The following TRAF6 variants were observed in gnomAD, a reference collection of about 807,000 sequenced individuals.
The protein encoded by TRAF6 is TNF receptor associated factor 6, also known as TNF receptor-associated factor 6.
A neutral mutation model predicts 48.4 loss-of-function variants in TRAF6; 10 were observed. That is an observed-to-expected ratio of 0.21 (90% CI 0.13 to 0.35). The LOEUF is 0.35. Ranked by LOEUF, TRAF6 falls within the 10% of genes least tolerant of loss-of-function variation. TRAF6 has a pLI of 1.00. For missense variants in TRAF6, 397 were observed against 661.0 expected (o/e 0.60, Z 4.38); for synonymous variants, 186 against 219.6 (o/e 0.85, Z 1.35).
intron 1 of TRAF6, among the ~76,000 whole-genome samples, chr11:36,505,001 C>A (rs1859765758): frequency 6.6e-6 from 1 of 152,186 alleles, no homozygotes; most frequent in African/African-American, 2.4e-5. Flanking sequence ...ACGCTGTAAA[C>A]AGATACGCTG....
In TRAF6 at chr11:36,509,768, C is replaced by A. The variant is rs532643170; in HGVS notation, c.-23+280G>T. On this transcript the variant is annotated intron_variant, in intron 1 of 6. Coordinates refer to ENST00000526995, the MANE Select transcript of TRAF6 (RefSeq NM_004620.4). ...AAGCGTGGGGACAGAGGCTGCGTCC[C>A]GACCTGCAGGAAGCGAGGGGCAGGG... is the stretch of plus-strand genomic sequence containing the variant. 2.0e-3 allele frequency among the ~76,000 whole-genome samples: 309 copies of A among 152,122 alleles called. 2 individuals are homozygous for A. Among genetic ancestry groups the A allele is most frequent in the Non-Finnish European group, 3.5e-3 (237 of 67,974 alleles).
intron 1 of TRAF6, among the ~76,000 whole-genome samples, chr11:36,509,462 TAG>T (rs1859868968): frequency 6.6e-6 from 1 of 151,806 alleles, no homozygotes; most frequent in Admixed American, 6.6e-5. Context: ...GAGACTTCTA[TAG>T]AGTTCAACAG....
At position 36,489,201 on chromosome 11, in the gene TRAF6, C is replaced by T. The variant is rs1859528583; in HGVS notation, c.*637G>A. ...ACTTAAACAAGTATTATTCAACAGACATGTTTACACTAAATAATTAAGGTT... is the reference window on the plus strand; with the variant it reads ...ACTTAAACAAGTATTATTCAACAGATATGTTTACACTAAATAATTAAGGTT... On this transcript the variant is annotated 3_prime_UTR_variant, in exon 7 of 7. Coordinates refer to ENST00000526995, the MANE Select transcript of TRAF6 (RefSeq NM_004620.4). The T allele has an allele frequency of 6.5e-6, 1 of 152,692 alleles. No homozygotes were observed. The highest frequency in any genetic ancestry group is 6.5e-5 in the Admixed American group (1 of 15,288). 9.5% of individuals were successfully genotyped at this position (152,692 alleles called of 1,614,324 possible).
chr11:36,508,754 C>T (rs1227746008), intron 1 of TRAF6, among the ~76,000 whole-genome samples: 1 of 152,146 alleles, frequency 6.6e-6, no homozygotes, highest in Non-Finnish European at 1.5e-5. Context: ...CCAAGAGATG[C>T]TGCAAAATAC....
Position 36,498,646 on chromosome 11 carries a change from A to C in TRAF6, c.297-6T>G, listed in dbSNP as rs1590640479. ...GACATTTGTGACCTGCATCCCTAAC[A>C]GAAACAAAATACACACAATTAGATT... On this transcript the variant is annotated splice_polypyrimidine_tract_variant and splice_region_variant and intron_variant, in intron 2 of 6. Transcript: ENST00000526995. 6.2e-7 allele frequency: 1 copy of C among 1,601,602 alleles called. No individual in the cohort carries two copies. Among genetic ancestry groups the C allele is most frequent in the Non-Finnish European group, 8.5e-7 (1 of 1,176,096 alleles).
At chr11:36,504,851 A>C (rs1859763904) in intron 1 of TRAF6, among the ~76,000 whole-genome samples, 1 of 152,218 alleles carries the variant, frequency 6.6e-6, no homozygotes, top group Non-Finnish European at 1.5e-5. Flanking sequence ...AGCAGGCATG[A>C]AAACAACATT....
chr11:36,507,868 T>C (rs1208229089), intron 1 of TRAF6, among the ~76,000 whole-genome samples: 1 of 148,146 alleles, frequency 6.8e-6, no homozygotes, highest in Non-Finnish European at 1.5e-5. Context: ...ACACACACTT[T>C]TTTTTTTGTC....
chr11:36,497,122 A>G lies in TRAF6; in HGVS notation c.592T>C (p.Phe198Leu). Residue 198 changes from phenylalanine to leucine, a missense_variant, in exon 4 of 7, where the codon TTT becomes CTT. Physicochemically the swap from Phe to Leu is conservative, Grantham distance 22. This residue lies in a region of TRAF6 where 245 missense variants were observed against 349.1 expected (regional missense o/e 0.70). Transcript: ENST00000526995. Reference sequence around the variant, plus strand: ...TTAGTACATGCCTCTTTATCTTCAAATGCCATTGATGCAGCACAGTTGTCA... The same window carrying G: ...TTAGTACATGCCTCTTTATCTTCAAGTGCCATTGATGCAGCACAGTTGTCA... ...SCDNCAASMA[F>L]EDKEIHDQNC... 1 of 1,613,024 alleles carries G rather than the reference A, an allele frequency of 6.2e-7. No homozygotes were observed. Among genetic ancestry groups the G allele is most frequent in the African/African-American group, 1.3e-5 (1 of 74,984 alleles).
At chr11:36,501,655 TTAA>T (rs1168560543) in intron 1 of TRAF6, 118 bp from the exon 2 acceptor site, 50 of 730,122 alleles carry the variant, frequency 6.8e-5, no homozygotes, top group African/African-American at 6.2e-4. Flanking sequence ...ATCAGCTGTA[TTAA>T]TGTTATTTAC....
rs923834803 is a variant in TRAF6 at position 36,490,740 on chromosome 11, T to C, written c.757-90A>G. On this transcript the variant is annotated intron_variant, in intron 6 of 6. Coordinates refer to ENST00000526995, the MANE Select transcript of TRAF6 (RefSeq NM_004620.4). This position sits in a 1 kb window ranked among gnomAD's most constrained non-coding sequence, Gnocchi z 6.4. ...CCAGGTCAAATAAGAAGTTTTCAAG[T>C]AGTCACACCACTTCCCTCAATTCTC... 1.8e-6 allele frequency: 2 copies of C among 1,125,134 alleles called. No homozygotes were observed. The highest frequency in any genetic ancestry group is 2.5e-6 in the Non-Finnish European group (2 of 791,972). 69.7% of individuals were successfully genotyped at this position (1,125,134 alleles called of 1,614,324 possible). A position where few individuals can be genotyped will look rare whatever the true frequency, so the allele number is the denominator to read the frequency against.
At position 36,489,832 on chromosome 11, in the gene TRAF6, G is replaced by A. The variant is rs369169562; in HGVS notation, c.*6C>T. 5.6e-6 allele frequency: 9 copies of A among 1,604,966 alleles called. No homozygotes were observed. Among genetic ancestry groups the A allele is most frequent in the Non-Finnish European group, 7.7e-6 (9 of 1,173,992 alleles). ...AGGTAGTTGTTTTTGAGCAAGTGAG[G>A]GCAAGCTATACCCCTGCATCAGTAC... On this transcript the variant is annotated 3_prime_UTR_variant, in exon 7 of 7. Coordinates refer to ENST00000526995, the MANE Select transcript of TRAF6 (RefSeq NM_004620.4).
rs368106611 is a variant in TRAF6, at chr11:36,507,598, T to C, written c.-23+2450A>G. 2.8e-4 allele frequency among the ~76,000 whole-genome samples: 7 copies of C among 24,994 alleles called. 3 individuals are homozygous for C. Among genetic ancestry groups the C allele is most frequent in the African/African-American group, 9.1e-4 (7 of 7,658 alleles). 16.4% of individuals were successfully genotyped at this position (24,994 alleles called of 152,430 possible). A position where few individuals can be genotyped will look rare whatever the true frequency, so the allele number is the denominator to read the frequency against. ...GTATACATACACGCGCGTGTATATA[T>C]GTATACATACACGCGCGTGTATATA... On this transcript the variant is annotated intron_variant, in intron 1 of 6. Coordinates refer to ENST00000526995, the MANE Select transcript of TRAF6 (RefSeq NM_004620.4).
chr11:36,506,643 A>G (rs1399721266), intron 1 of TRAF6, among the ~76,000 whole-genome samples: 2 of 152,216 alleles, frequency 1.3e-5, no homozygotes, highest in Non-Finnish European at 2.9e-5. Flanking sequence ...AGGTCTGAAG[A>G]GACCTTTTAT....
intron 1 of TRAF6, among the ~76,000 whole-genome samples, chr11:36,506,092 C>T (rs766103102): frequency 6.6e-6 from 1 of 151,078 alleles, no homozygotes; most frequent in Non-Finnish European, 1.5e-5. Context: ...AAATGGCGTG[C>T]AAAGACTTGC....
intron 3 of TRAF6, among the ~76,000 whole-genome samples, chr11:36,498,066 G>C (rs1231942364): frequency 6.6e-6 from 1 of 151,928 alleles, no homozygotes; most frequent in Admixed American, 6.6e-5. Flanking sequence ...TGTATTTTTA[G>C]TGAGAGACGG....
intron 6 of TRAF6, among the ~76,000 whole-genome samples, 169 bp downstream of exon 6, chr11:36,492,382 T>C (rs1055119807): frequency 6.6e-6 from 1 of 152,250 alleles, no homozygotes; most frequent in African/African-American, 2.4e-5. Flanking sequence ...GCTTTAGGCA[T>C]TGCTAAGTAT....
intron 5 of TRAF6, among the ~76,000 whole-genome samples, chr11:36,493,686 CTT>C (rs1859592742): frequency 6.6e-6 from 1 of 152,188 alleles, no homozygotes; most frequent in Admixed American, 6.5e-5. Context: ...TTTTCTGACT[CTT>C]AGCCTAGGGT....
At chr11:36,494,756 A>G (rs909550434) in intron 5 of TRAF6, among the ~76,000 whole-genome samples, 2 of 151,872 alleles carry the variant, frequency 1.3e-5, no homozygotes, top group Non-Finnish European at 2.9e-5. Context: ...GTATTATGTT[A>G]ATGACTTAGG....
intron 4 of TRAF6, 90 bp downstream of exon 4, chr11:36,497,018 A>C: frequency 1.5e-6 from 2 of 1,360,674 alleles, no homozygotes; most frequent in Non-Finnish European, 2.0e-6. Flanking sequence ...TCGGAGTCAC[A>C]TCCTTATCTA....
Sources: gnomAD v4.1 joint callset for allele counts (sites outside exome capture counted in the v4.1 genomes callset) on GRCh38, gnomAD v4.1.1 for gene constraint, gnomAD v4.1.1 regional missense constraint, Gnocchi (gnomAD v3.1) non-coding constraint, MANE v1.5 for transcripts, NCBI Gene and HGNC (gene_info 2026-07-23, HGNC 2026-07-21) for gene names.